WDR64: variants seen among roughly 807,000 people sequenced by gnomAD.
WDR64 encodes WD repeat domain 64.
In WDR64, 112 loss-of-function variants were observed where a neutral mutation model predicts 139.3. The ratio of observed to expected loss-of-function variants is 0.80; its 90% CI spans 0.69 to 0.94. WDR64 has a LOEUF of 0.94. WDR64 is among the 40% of genes least tolerant of loss of function. The pLI is 0.00. For missense variants in WDR64, 1,206 were observed against 1,293.1 expected (o/e 0.93, Z 1.03); for synonymous variants, 444 against 437.7 (o/e 1.01, Z -0.18).
intron 10 of WDR64, among the ~76,000 whole-genome samples, chr1:241,726,925 T>A (rs930213675): frequency 3.9e-5 from 6 of 152,164 alleles, no homozygotes; most frequent in Non-Finnish European, 8.8e-5. Flanking sequence ...TCATTCTTGT[T>A]GTCCAGGCTG....
chr1:241,781,446 A>T lies in WDR64; in HGVS notation c.2595+1384A>T, dbSNP rs199514415. On this transcript the variant is annotated intron_variant, in intron 22 of 27. Transcript: ENST00000437684. ...TATAAAATGCCTCATTATTACATAGATCAACAAATACCAATGCTTAAACCA... is the reference window on the plus strand; with the variant it reads ...TATAAAATGCCTCATTATTACATAGTTCAACAAATACCAATGCTTAAACCA... Among the ~76,000 whole-genome samples the T allele has an allele frequency of 3.9e-5, 6 of 152,234 alleles. No individual in the cohort carries two copies. The East Asian group carries it at 1.2e-3, about 29-fold the overall frequency.
intron 25 of WDR64, among the ~76,000 whole-genome samples, chr1:241,794,199 A>G (rs1370607581): frequency 6.6e-6 from 1 of 152,032 alleles, no homozygotes; most frequent in Non-Finnish European, 1.5e-5. Context: ...AAAAAAGAAA[A>G]AAAGAATTAT....
At chr1:241,691,367 G>A (rs1667274573) in intron 8 of WDR64, among the ~76,000 whole-genome samples, 1 of 152,144 alleles carries the variant, frequency 6.6e-6, no homozygotes, top group Non-Finnish European at 1.5e-5. Flanking sequence ...TTAAGAGACA[G>A]AGATTGTCAG....
intron 9 of WDR64, among the ~76,000 whole-genome samples, chr1:241,721,790 A>C (rs1482216049): frequency 6.6e-6 from 1 of 152,188 alleles, no homozygotes; most frequent in African/African-American, 2.4e-5. Context: ...TTTTGGAAAC[A>C]TAATTAGATT....
chr1:241,655,959 G>T (rs1287064050), intron 1 of WDR64, among the ~76,000 whole-genome samples: 1 of 152,094 alleles, frequency 6.6e-6, no homozygotes, highest in Admixed American at 6.5e-5. Context: ...GTGAACCTCA[G>T]GCTGGCACAG....
chr1:241,802,375 G>T lies in WDR64; in HGVS notation c.*1160G>T, dbSNP rs1334465894. Among the ~76,000 whole-genome samples, 1 of 152,054 alleles carries T rather than the reference G, an allele frequency of 6.6e-6. No individual in the cohort carries two copies. Among genetic ancestry groups the T allele is most frequent in the African/African-American group, 2.4e-5 (1 of 41,410 alleles). On this transcript the variant is annotated 3_prime_UTR_variant, in exon 28 of 28. Transcript: ENST00000437684. Reference sequence around the variant, plus strand: ...CTCAGTTTAAAAAATTAAAACAATGGTGGCCTCTGGAAGAGAGGGCAAATA... The same window carrying T: ...CTCAGTTTAAAAAATTAAAACAATGTTGGCCTCTGGAAGAGAGGGCAAATA...
At chr1:241,761,512 T>C (rs1657897619) in intron 15 of WDR64, among the ~76,000 whole-genome samples, 1 of 151,810 alleles carries the variant, frequency 6.6e-6, no homozygotes, top group African/African-American at 2.4e-5. Context: ...TTGTTGTTCT[T>C]TTCCTTCTAA....
chr1:241,687,883 T>C (rs1475188756), intron 8 of WDR64, among the ~76,000 whole-genome samples: 2 of 152,194 alleles, frequency 1.3e-5, no homozygotes, highest in Non-Finnish European at 2.9e-5. Flanking sequence ...CAAAATATAG[T>C]TCTGTTGGTA....
intron 4 of WDR64, among the ~76,000 whole-genome samples, chr1:241,676,827 C>T (rs1666576865): frequency 6.6e-6 from 1 of 151,232 alleles, no homozygotes; most frequent in African/African-American, 2.4e-5. Flanking sequence ...AAGCCATCCT[C>T]CCACCTCATG....
At chr1:241,694,175 G>C (rs1667402939) in intron 8 of WDR64, among the ~76,000 whole-genome samples, 1 of 151,918 alleles carries the variant, frequency 6.6e-6, no homozygotes, top group Non-Finnish European at 1.5e-5. Context: ...AAATTCTGAG[G>C]TTTTAAATTT....
At chr1:241,769,626 C>T (rs1362032249) in intron 17 of WDR64, 121 bp downstream of exon 17, 14 of 864,036 alleles carry the variant, frequency 1.6e-5, no homozygotes, top group Admixed American at 1.0e-4. Context: ...TTTACTTCAT[C>T]CCAGCATTAA....
At chr1:241,797,615 T>C (rs1486279041) in intron 27 of WDR64, among the ~76,000 whole-genome samples, 1 of 152,220 alleles carries the variant, frequency 6.6e-6, no homozygotes, top group Non-Finnish European at 1.5e-5. Flanking sequence ...AATGTTAGCT[T>C]GTGCACTTAA....
Position 241,713,659 on chromosome 1 carries a change from C to G in WDR64, c.1054+1778C>G, listed in dbSNP as rs139647233. Among the ~76,000 whole-genome samples the G allele has an allele frequency of 2.1e-3, 324 of 152,200 alleles. 2 individuals carry two copies. Among genetic ancestry groups the G allele is most frequent in the Non-Finnish European group, 3.2e-3 (219 of 68,026 alleles). ...TAAATATTAATCCTCTCTGTTTAAA[C>G]ACATTGGCAAAATCACTTTGGCAAA... is the stretch of plus-strand genomic sequence containing the variant. On this transcript the variant is annotated intron_variant, in intron 9 of 27. Transcript: ENST00000437684.
intron 1 of WDR64, among the ~76,000 whole-genome samples, chr1:241,654,865 A>T (rs1183014078): frequency 6.6e-6 from 1 of 152,220 alleles, no homozygotes; most frequent in African/African-American, 2.4e-5. Context: ...CTATATGTAT[A>T]AGGGGTGTAT....
chr1:241,730,944 T>C (rs1669053766), intron 10 of WDR64, among the ~76,000 whole-genome samples: 1 of 152,144 alleles, frequency 6.6e-6, no homozygotes, highest in African/African-American at 2.4e-5. Context: ...AAACTGCCTG[T>C]AATCTTCTCA....
At chr1:241,783,458 G>C in intron 23 of WDR64, 77 bp downstream of exon 23, 1 of 1,103,888 alleles carries the variant, frequency 9.1e-7, no homozygotes, top group South Asian at 1.4e-5. Context: ...TAAAGTTGAA[G>C]TATATAGTTC....
At position 241,686,398 on chromosome 1, in the gene WDR64, C is replaced by T. The variant is rs1163800645; in HGVS notation, c.840-1063C>T. ...ACATATCTGGCATGAGAATAGAAAG[C>T]TCCCTCCCCACTCTGTTTAATGTCA... On this transcript the variant is annotated intron_variant, in intron 7 of 27. Coordinates refer to ENST00000437684, the MANE Select transcript of WDR64 (RefSeq NM_001367482.1). 3.9e-5 allele frequency among the ~76,000 whole-genome samples: 6 copies of T among 152,160 alleles called. No homozygotes were observed. The East Asian group carries it at 1.2e-3, about 29-fold the overall frequency.
At chr1:241,740,651 CT>C (rs1160764811) in intron 11 of WDR64, among the ~76,000 whole-genome samples, 315 of 144,496 alleles carry the variant, frequency 2.2e-3, no homozygotes, top group Admixed American at 2.8e-3. Context: ...CTCTGAGATT[CT>C]TTTTTTTTTT....
At chr1:241,725,649 T>C (rs1668797381) in intron 10 of WDR64, among the ~76,000 whole-genome samples, 1 of 152,096 alleles carries the variant, frequency 6.6e-6, no homozygotes. Context: ...GGCACCTGCC[T>C]CCTCCAGTTC....
Sources: allele counts gnomAD v4.1 joint callset (sites outside exome capture counted in the v4.1 genomes callset), GRCh38; gene constraint gnomAD v4.1.1; transcripts MANE v1.5; gene names NCBI Gene and HGNC (gene_info 2026-07-23, HGNC 2026-07-21).